Variants in GRIP1 observed in about 807,000 individuals in gnomAD.
GRIP1 encodes glutamate receptor-interacting protein 1.
In GRIP1, 45 loss-of-function variants were observed where a neutral mutation model predicts 129.9. That is an observed-to-expected ratio of 0.35 (90% CI 0.27 to 0.44). The LOEUF (loss-of-function observed/expected upper bound fraction) is 0.44. Among genes scored for constraint, GRIP1 ranks in the 20% least tolerant of loss-of-function variants. The probability of loss-of-function intolerance (pLI) is 1.00; values close to 1 mark genes in which losing one functional copy is unlikely to be tolerated. For missense variants in GRIP1, 1,196 were observed against 1,396.8 expected, an observed-to-expected ratio of 0.86 and a Z score of 2.29; for synonymous variants, 530 against 520.8, an observed-to-expected ratio of 1.02 and a Z score of -0.24.
chr12:66,585,262 C>T (rs888056927), intron 2 of GRIP1, among the ~76,000 whole-genome samples: 1 of 118,776 alleles, frequency 8.4e-6, no homozygotes, highest in African/African-American at 3.2e-5. Flanking sequence ...CTCCCCCCAC[C>T]CCACCACCGT....
intron 1 of GRIP1, among the ~76,000 whole-genome samples, chr12:67,014,332 A>G (rs1332149342): frequency 6.6e-6 from 1 of 152,188 alleles, no homozygotes; most frequent in Non-Finnish European, 1.5e-5. Flanking sequence ...GATAAATTAT[A>G]TGAGCACCTG....
At chr12:66,498,711 G>A (rs2060307580) in intron 7 of GRIP1, among the ~76,000 whole-genome samples, 1 of 151,984 alleles carries the variant, frequency 6.6e-6, no homozygotes, top group Admixed American at 6.6e-5. Context: ...AAAAAAAAAT[G>A]TATTTGAGAT....
chr12:66,877,626 T>C (rs780962745), intron 1 of GRIP1, among the ~76,000 whole-genome samples: 2 of 152,102 alleles, frequency 1.3e-5, no homozygotes, highest in East Asian at 1.9e-4. Flanking sequence ...CACACACTTA[T>C]ATTTCTGGAA....
Position 66,874,657 on chromosome 12 carries a change from C to T in GRIP1, c.58+194393G>A, listed in dbSNP as rs78591621. ...AGCAGAAGGAAGAGAGAGAGAGACG[C>T]GGCAGGTGCTACACATTTTTAAACA... On this transcript the variant is annotated intron_variant, in intron 1 of 1. Coordinates refer to the GRIP1 transcript ENST00000643019. 7.8e-4 allele frequency among the ~76,000 whole-genome samples: 119 copies of T among 152,058 alleles called. No homozygotes were observed. In the East Asian group the frequency reaches 0.017, roughly 22 times the overall value.
At chr12:66,609,378 C>T (rs1444677122) in intron 1 of GRIP1, among the ~76,000 whole-genome samples, 2 of 152,130 alleles carry the variant, frequency 1.3e-5, no homozygotes, top group Non-Finnish European at 1.5e-5. Flanking sequence ...AGACACTTGA[C>T]ATACTTTTGG....
At chr12:66,474,220 A>T (rs1184488983) in intron 7 of GRIP1, among the ~76,000 whole-genome samples, 3 of 151,920 alleles carry the variant, frequency 2.0e-5, no homozygotes, top group African/African-American at 7.3e-5. Flanking sequence ...CAAGCAGAAG[A>T]AAGGATATCA....
rs1592530945 is a variant in GRIP1 at position 67,061,640 on chromosome 12, A to G, written c.58+7410T>C. Among the ~76,000 whole-genome samples, 5 of 152,208 alleles carry G rather than the reference A, an allele frequency of 3.3e-5. No homozygotes were observed. The South Asian group carries it at 8.3e-4, about 25-fold the overall frequency. ...CCATTCCCTCTCTTTCAGCTTAAAA[A>G]CTCATGTAAAATTCTAAATTAGTTT... is the stretch of plus-strand genomic sequence containing the variant. On this transcript the variant is annotated intron_variant, in intron 1 of 1. Coordinates refer to the GRIP1 transcript ENST00000643019.
chr12:66,632,199 G>A (rs576611429), intron 1 of GRIP1, among the ~76,000 whole-genome samples: 77 of 152,318 alleles, frequency 5.1e-4, no homozygotes, highest in Admixed American at 3.3e-3. Flanking sequence ...ACTGGTGGAA[G>A]TATAGTAAGA....
intron 1 of GRIP1, among the ~76,000 whole-genome samples, chr12:66,859,503 A>C (rs1450870471): frequency 2.6e-5 from 4 of 151,836 alleles, no homozygotes; most frequent in Admixed American, 2.6e-4. Context: ...ATACAAGTAG[A>C]AAAAAAAGTG....
intron 1 of GRIP1, among the ~76,000 whole-genome samples, chr12:66,937,360 C>T (rs1324810412): frequency 2.0e-5 from 3 of 152,190 alleles, no homozygotes; most frequent in Non-Finnish European, 4.4e-5. Flanking sequence ...GCCAGTAGAA[C>T]GTAAGCTCCA....
intron 1 of GRIP1, among the ~76,000 whole-genome samples, chr12:66,816,297 C>G (rs983818824): frequency 3.9e-5 from 6 of 152,098 alleles, no homozygotes; most frequent in Admixed American, 1.3e-4. Context: ...TTATTAAGAC[C>G]ATTTTGGCTT....
chr12:66,483,510 T>TC (rs1263655903), intron 7 of GRIP1, among the ~76,000 whole-genome samples: 2 of 152,176 alleles, frequency 1.3e-5, no homozygotes, highest in Non-Finnish European at 2.9e-5. Flanking sequence ...CGATAATACT[T>TC]CCCATGCTAA....
intron 1 of GRIP1, among the ~76,000 whole-genome samples, chr12:67,066,886 A>ATT (rs1555170034): frequency 0.019 from 2,235 of 116,558 alleles, 32 homozygotes; most frequent in Middle Eastern, 0.037. Flanking sequence ...TTAAATATAT[A>ATT]TTTATATATA....
intron 1 of GRIP1, among the ~76,000 whole-genome samples, chr12:67,031,268 T>A (rs777854720): frequency 6.6e-6 from 1 of 152,216 alleles, no homozygotes; most frequent in Admixed American, 6.5e-5. Flanking sequence ...TCCTCTACAC[T>A]GTAGAAGCCT....
chr12:66,541,095 A>T (rs1051033475), intron 3 of GRIP1, among the ~76,000 whole-genome samples: 1 of 152,132 alleles, frequency 6.6e-6, no homozygotes, highest in South Asian at 2.1e-4. Context: ...GATTACAGGC[A>T]TGAGTCACTG....
chr12:66,637,313 T>C (rs1479404458), intron 1 of GRIP1, among the ~76,000 whole-genome samples: 1 of 152,088 alleles, frequency 6.6e-6, no homozygotes, highest in African/African-American at 2.4e-5. Context: ...TTGAGGGATA[T>C]AGAGGGGCTT....
At chr12:66,894,321 C>T (rs1384085341) in intron 1 of GRIP1, among the ~76,000 whole-genome samples, 1 of 152,136 alleles carries the variant, frequency 6.6e-6, no homozygotes, top group South Asian at 2.1e-4. Context: ...CATCAATTTA[C>T]CCAACAGCGT....
At chr12:67,025,054 A>C (rs1469298588) in intron 1 of GRIP1, among the ~76,000 whole-genome samples, 1 of 152,162 alleles carries the variant, frequency 6.6e-6, no homozygotes, top group African/African-American at 2.4e-5. Context: ...ATAAGCAAAA[A>C]GGGCCAGGCA....
chr12:66,773,850 G>A (rs2037896096), intron 1 of GRIP1, among the ~76,000 whole-genome samples: 1 of 152,056 alleles, frequency 6.6e-6, no homozygotes, highest in Admixed American at 6.6e-5. Flanking sequence ...ATCAAAGAAA[G>A]CATAATATGC....
Sources: gnomAD v4.1 joint callset for allele counts (sites outside exome capture counted in the v4.1 genomes callset) on GRCh38, gnomAD v4.1.1 for gene constraint, MANE v1.5 for transcripts, NCBI Gene and HGNC (gene_info 2026-07-23, HGNC 2026-07-21) for gene names.